SCN11A: variants seen among roughly 807,000 people sequenced by gnomAD.
The protein encoded by SCN11A is sodium channel protein type 11 subunit alpha.
SCN11A carries 122 observed loss-of-function variants against 162.2 expected under a neutral mutation model. That is an observed-to-expected ratio of 0.75 (90% CI 0.65 to 0.87). The LOEUF is 0.87. Among genes scored for constraint, SCN11A ranks in the 40% least tolerant of loss-of-function variants. SCN11A has a pLI of 0.00. For missense variants in SCN11A, 2,015 were observed against 2,181.6 expected, an observed-to-expected ratio of 0.92 and a Z score of 1.52; for synonymous variants, 758 against 751.5, an observed-to-expected ratio of 1.01 and a Z score of -0.14.
chr3:38,891,648 G>A (rs2126113756), intron 19 of SCN11A, among the ~76,000 whole-genome samples: 1 of 152,280 alleles, frequency 6.6e-6, no homozygotes, highest in African/African-American at 2.4e-5. Context: ...ATCTTGTGAA[G>A]GACTTCCTGC....
Position 38,926,803 on chromosome 3 carries a change from G to C in SCN11A, c.617C>G (p.Ala206Gly). The C allele has an allele frequency of 6.2e-7, 1 of 1,613,076 alleles. No homozygotes were observed. ...NWLDSIVIGIAIVSYIPGITI... is the reference protein window; with the variant it reads ...NWLDSIVIGIGIVSYIPGITI... ...TCAAAAACATCTTTAATATTCTTAC[G>C]CTATTCCAATGACAATGGAGTCCAG... is the stretch of plus-strand genomic sequence containing the variant. Residue 206 changes from alanine to glycine, a missense_variant and splice_region_variant, in exon 8 of 30, where the codon GCG becomes GGG. Transcript: ENST00000302328.
In SCN11A at chr3:38,925,492, G is replaced by T; in HGVS notation, c.635C>A (p.Pro212Gln). The T allele has an allele frequency of 6.2e-7, 1 of 1,612,614 alleles. No homozygotes were observed. Among genetic ancestry groups the T allele is most frequent in the Non-Finnish European group, 8.5e-7 (1 of 1,178,674 alleles). The change falls in exon 9 of 30, where the codon CCA (proline) becomes CAA (glutamine). Residue 212 changes from proline (P) to glutamine (Q), a missense_variant. Physicochemically the swap from Pro to Gln is moderately conservative, Grantham distance 76 (BLOSUM62 -1). Coordinates refer to ENST00000302328, the MANE Select transcript of SCN11A (RefSeq NM_001349253.2). ...GGGCAATAGTTTGATGGTGATTCCT[G>T]GAATATATGACACAATCCTACAAGA... ...VIGIAIVSYIPGITIKLLPLR... is the reference protein window; with the variant it reads ...VIGIAIVSYIQGITIKLLPLR...
Position 38,846,645 on chromosome 3 carries a change from G to C in SCN11A, c.*49C>G, listed in dbSNP as rs1039963784. On this transcript the variant is annotated 3_prime_UTR_variant, in exon 30 of 30. Transcript: ENST00000302328. Reference sequence around the variant, plus strand: ...AAGCTGCTGACCCCTGGAGCTCAGAGGCTGAAGGCAAGGCTGTGAAGCTAT... The same window carrying C: ...AAGCTGCTGACCCCTGGAGCTCAGACGCTGAAGGCAAGGCTGTGAAGCTAT... The C allele has an allele frequency of 4.0e-6, 6 of 1,497,276 alleles. No individual in the cohort carries two copies. Among genetic ancestry groups the C allele is most frequent in the Non-Finnish European group, 5.6e-6 (6 of 1,080,978 alleles). 92.7% of individuals were successfully genotyped at this position (1,497,276 alleles called of 1,614,324 possible). A position where few individuals can be genotyped will look rare whatever the true frequency, so the allele number is the denominator to read the frequency against.
intron 2 of SCN11A, among the ~76,000 whole-genome samples, chr3:39,017,410 T>A (rs1218443040): frequency 6.6e-6 from 1 of 152,242 alleles, no homozygotes; most frequent in Non-Finnish European, 1.5e-5. Context: ...TCTAAAGTCA[T>A]CCTCATCCTT....
At chr3:39,004,762 C>T (rs1329381546) in intron 2 of SCN11A, among the ~76,000 whole-genome samples, 3 of 152,102 alleles carry the variant, frequency 2.0e-5, no homozygotes, top group Non-Finnish European at 4.4e-5. Flanking sequence ...TTTGCCCTCA[C>T]ACTTTAATTA....
intron 11 of SCN11A, among the ~76,000 whole-genome samples, chr3:38,917,942 A>G (rs1003536390): frequency 1.7e-4 from 26 of 152,306 alleles, no homozygotes; most frequent in Non-Finnish European, 2.6e-4. Flanking sequence ...GCTGTTAAGC[A>G]TGGTATGTGT....
Position 38,847,723 on chromosome 3 carries a change from CA to C in SCN11A, c.4346del (p.Leu1449TrpfsTer26). On this transcript the variant is annotated frameshift_variant, in exon 30 of 30. Transcript: ENST00000302328. LOFTEE classifies it low-confidence loss of function (END_TRUNC). ...LSIVSTMIST[L>X]ENQEHIPFPP... ...GGAAAGGAATGTGCTCCTGATTTTC[CA>C]AGGTAGAAATCATTGTACCTCAGGA... 6.3e-7 allele frequency: 1 copy of C among 1,598,928 alleles called. No homozygotes were observed.
At chr3:38,943,934 T>C (rs1391159986) in intron 7 of SCN11A, among the ~76,000 whole-genome samples, 1 of 152,224 alleles carries the variant, frequency 6.6e-6, no homozygotes, top group Non-Finnish European at 1.5e-5. Flanking sequence ...TAATAATTTA[T>C]TGTATATTTC....
chr3:38,939,609 A>C (rs76060408), intron 7 of SCN11A, among the ~76,000 whole-genome samples: 8,379 of 152,202 alleles, frequency 0.055, 770 homozygotes, highest in African/African-American at 0.19. Context: ...CCATGCTATT[A>C]AAAACATTTC....
intron 28 of SCN11A, among the ~76,000 whole-genome samples, chr3:38,853,444 A>T (rs959036400): frequency 2.0e-5 from 3 of 152,302 alleles, no homozygotes; most frequent in East Asian, 1.9e-4. Context: ...AACCTCCCCA[A>T]ATATAATTTT....
At chr3:38,938,544 ATATATATTTTTTTTTTTTTT>A (rs2066387058) in intron 7 of SCN11A, among the ~76,000 whole-genome samples, 2 of 21,374 alleles carry the variant, frequency 9.4e-5, no homozygotes, top group African/African-American at 5.4e-4. Flanking sequence ...ATATATATAT[ATATATATTTTTTTTTTTTTT>A]TTTTTTTTTT....
intron 2 of SCN11A, among the ~76,000 whole-genome samples, chr3:39,015,320 A>G (rs1174201422): frequency 1.3e-5 from 2 of 152,172 alleles, no homozygotes; most frequent in African/African-American, 4.8e-5. Flanking sequence ...GTGAGCCAAT[A>G]AACTTCCACT....
In SCN11A at chr3:38,902,785, G is replaced by A. The variant is rs147912774; in HGVS notation, c.1842+1080C>T. 4.0e-3 allele frequency among the ~76,000 whole-genome samples: 615 copies of A among 152,064 alleles called. 3 individuals are homozygous for A. Among genetic ancestry groups the A allele is most frequent in the Middle Eastern group, 0.01 (3 of 294 alleles). ...GCCTGCCTCGGCCTCCCAAAGTGTT[G>A]GGATTACAGGCGTGAGCCACTGTGC... is the stretch of plus-strand genomic sequence containing the variant. On this transcript the variant is annotated intron_variant, in intron 16 of 29. Coordinates refer to ENST00000302328, the MANE Select transcript of SCN11A (RefSeq NM_001349253.2).
chr3:38,885,722 G>A (rs2065386975), intron 20 of SCN11A, among the ~76,000 whole-genome samples: 1 of 152,208 alleles, frequency 6.6e-6, no homozygotes, highest in African/African-American at 2.4e-5. Flanking sequence ...GTGATGAGAA[G>A]AAGGCTACTT....
At chr3:39,013,092 T>A (rs1195680165) in intron 2 of SCN11A, among the ~76,000 whole-genome samples, 1 of 152,172 alleles carries the variant, frequency 6.6e-6, no homozygotes, top group Non-Finnish European at 1.5e-5. Flanking sequence ...AAATACCAGG[T>A]GACAGTTTGC....
chr3:39,020,112 G>A (rs2031408637), intron 2 of SCN11A, among the ~76,000 whole-genome samples: 1 of 152,170 alleles, frequency 6.6e-6, no homozygotes, highest in Non-Finnish European at 1.5e-5. Context: ...GTACAATGGA[G>A]ATGATAATAA....
intron 2 of SCN11A, among the ~76,000 whole-genome samples, chr3:38,972,365 G>C (rs570746142): frequency 1.3e-5 from 2 of 152,116 alleles, no homozygotes; most frequent in African/African-American, 2.4e-5. Flanking sequence ...TCCCCTAGCA[G>C]GCTTGGGTCA....
At chr3:38,934,041 C>T (rs2125561559) in intron 7 of SCN11A, among the ~76,000 whole-genome samples, 1 of 152,332 alleles carries the variant, frequency 6.6e-6, no homozygotes, top group African/African-American at 2.4e-5. Flanking sequence ...AGAAACTCTA[C>T]AAGCCAGAAG....
chr3:38,957,202 A>G (rs932974568), intron 3 of SCN11A, among the ~76,000 whole-genome samples: 2 of 152,218 alleles, frequency 1.3e-5, no homozygotes, highest in African/African-American at 4.8e-5. Flanking sequence ...CTTAAAAAAA[A>G]ATTAAAGAGA....
Sources: allele counts gnomAD v4.1 joint callset (sites outside exome capture counted in the v4.1 genomes callset), GRCh38; gene constraint gnomAD v4.1.1; transcripts MANE v1.5; gene names NCBI Gene and HGNC (gene_info 2026-07-23, HGNC 2026-07-21).